The following TOX variants were observed in gnomAD, a reference collection of about 807,000 sequenced individuals.
TOX encodes thymocyte selection associated high mobility group box, also known as thymocyte selection-associated high mobility group box protein TOX.
In TOX, 11 loss-of-function variants were observed where a neutral mutation model predicts 53.7. The ratio of observed to expected loss-of-function variants is 0.20; its 90% CI spans 0.13 to 0.34. TOX has a LOEUF of 0.34. Among genes scored for constraint, TOX ranks in the 10% least tolerant of loss-of-function variants. The pLI, the probability that TOX is intolerant of heterozygous loss-of-function variation, is 1.00. For synonymous variants in TOX, 225 were observed against 245.3 expected, an observed-to-expected ratio of 0.92 and a Z score of 0.77; for missense variants, 570 against 664.6, an observed-to-expected ratio of 0.86 and a Z score of 1.56.
intron 3 of TOX, among the ~76,000 whole-genome samples, chr8:58,928,228 G>T (rs1169788044): frequency 6.6e-6 from 1 of 152,206 alleles, no homozygotes; most frequent in South Asian, 2.1e-4. Context: ...TTCAGAGAAG[G>T]CAGAGCGCCC....
At chr8:58,988,534 AGT>A (rs1813379243) in intron 1 of TOX, among the ~76,000 whole-genome samples, 1 of 152,254 alleles carries the variant, frequency 6.6e-6, no homozygotes, top group Non-Finnish European at 1.5e-5. Context: ...CAGATTAAAA[AGT>A]GTTATTAACA....
Position 59,072,242 on chromosome 8 carries a change from T to TA in TOX, c.102+46643dup, listed in dbSNP as rs200627644. Among the ~76,000 whole-genome samples the TA allele has an allele frequency of 7.1e-3, 1,085 of 152,326 alleles. 11 individuals are homozygous for TA. The highest frequency in any genetic ancestry group is 0.024 in the African/African-American group (992 of 41,582). ...ATAAGACTTGCATTTCTGATCAGTG[T>TA]AAAAATACCAGTTTAGATTGTATCT... On this transcript the variant is annotated intron_variant, in intron 1 of 8. Transcript: ENST00000361421.
chr8:58,984,690 G>A (rs1813291541), intron 1 of TOX, among the ~76,000 whole-genome samples: 1 of 150,474 alleles, frequency 6.6e-6, no homozygotes, highest in East Asian at 2.0e-4. Flanking sequence ...GGCTGAGGCC[G>A]GAGAATGGCG....
chr8:58,958,044 C>T (rs1027015041), intron 2 of TOX, among the ~76,000 whole-genome samples: 2 of 152,134 alleles, frequency 1.3e-5, no homozygotes, highest in African/African-American at 4.8e-5. Flanking sequence ...AATTTTAAAA[C>T]AGCACATTCT....
At chr8:58,978,037 T>A (rs575726876) in intron 1 of TOX, among the ~76,000 whole-genome samples, 1 of 152,258 alleles carries the variant, frequency 6.6e-6, no homozygotes, top group Admixed American at 6.5e-5. Context: ...ACACAACACT[T>A]GTGAAGTACA....
intron 1 of TOX, among the ~76,000 whole-genome samples, chr8:59,056,054 T>C (rs1803882890): frequency 6.6e-6 from 1 of 152,152 alleles, no homozygotes; most frequent in African/African-American, 2.4e-5. Flanking sequence ...AACATTTTGC[T>C]AAACATCCCA....
chr8:59,105,584 T>C (rs887478515), intron 1 of TOX, among the ~76,000 whole-genome samples: 2 of 152,158 alleles, frequency 1.3e-5, no homozygotes, highest in African/African-American at 4.8e-5. Flanking sequence ...CTGCAATTTG[T>C]TATGTTCTAA....
At chr8:58,936,085 C>A (rs13282806) in intron 3 of TOX, among the ~76,000 whole-genome samples, 22,211 of 152,158 alleles carry the variant, frequency 0.15, 1,796 homozygotes, top group East Asian at 0.28. Context: ...TACAACACTG[C>A]TTTCGTAATA....
At chr8:58,898,380 A>T (rs1811684696) in intron 3 of TOX, among the ~76,000 whole-genome samples, 1 of 48,666 alleles carries the variant, frequency 2.1e-5, no homozygotes, top group South Asian at 5.1e-4. Flanking sequence ...AAAACTACAT[A>T]TTTTAGTCCC....
At chr8:59,066,880 A>C (rs1205947400) in intron 1 of TOX, among the ~76,000 whole-genome samples, 1 of 152,230 alleles carries the variant, frequency 6.6e-6, no homozygotes, top group Non-Finnish European at 1.5e-5. Flanking sequence ...TTATGACTAA[A>C]ATGCAACAAA....
At chr8:58,856,045 G>T (rs1810909762) in intron 3 of TOX, among the ~76,000 whole-genome samples, 1 of 152,168 alleles carries the variant, frequency 6.6e-6, no homozygotes, top group Admixed American at 6.6e-5. Context: ...CCCACAGAGA[G>T]GTTAAATGAT....
At chr8:59,020,865 TC>T (rs1814112708) in intron 1 of TOX, among the ~76,000 whole-genome samples, 1 of 152,114 alleles carries the variant, frequency 6.6e-6, no homozygotes, top group African/African-American at 2.4e-5. Context: ...GCAATAGTAA[TC>T]ATTCCTATGT....
intron 3 of TOX, among the ~76,000 whole-genome samples, chr8:58,871,950 A>G (rs73249050): frequency 0.058 from 8,780 of 152,246 alleles, 316 homozygotes; most frequent in East Asian, 0.12. Context: ...AGCAATGAGC[A>G]TACCTAGCCA....
intron 1 of TOX, among the ~76,000 whole-genome samples, chr8:59,067,569 T>TAA (rs893612801): frequency 3.3e-5 from 5 of 151,826 alleles, no homozygotes; most frequent in African/African-American, 1.2e-4. Flanking sequence ...CATAAATAAA[T>TAA]AAAATAAATA....
chr8:58,819,845 A>T (rs1585842842), intron 6 of TOX, among the ~76,000 whole-genome samples: 1 of 152,220 alleles, frequency 6.6e-6, no homozygotes, highest in African/African-American at 2.4e-5. Flanking sequence ...TTAATAGTCC[A>T]TCTAATTTGA....
At chr8:58,913,783 TA>T (rs1057170285) in intron 3 of TOX, among the ~76,000 whole-genome samples, 1 of 88,912 alleles carries the variant, frequency 1.1e-5, no homozygotes. Flanking sequence ...TGTAAAAGTC[TA>T]AAAAATATTT....
chr8:58,980,372 C>T (rs1813180557), intron 1 of TOX, among the ~76,000 whole-genome samples: 1 of 151,968 alleles, frequency 6.6e-6, no homozygotes, highest in African/African-American at 2.4e-5. Context: ...CCTGTGGTGG[C>T]TATCAGTGAT....
chr8:59,010,912 T>C (rs1488590020), intron 1 of TOX, among the ~76,000 whole-genome samples: 1 of 152,230 alleles, frequency 6.6e-6, no homozygotes, highest in Admixed American at 6.5e-5. Flanking sequence ...GCCCGGTATG[T>C]GTGCCTATCT....
chr8:58,959,514 C>T (rs563318833), intron 2 of TOX, among the ~76,000 whole-genome samples: 5 of 152,294 alleles, frequency 3.3e-5, no homozygotes, highest in East Asian at 3.9e-4. Context: ...CTAGCCCCAC[C>T]GGCCATGGGA....
Sources: gnomAD v4.1 joint callset for allele counts (sites outside exome capture counted in the v4.1 genomes callset) on GRCh38, gnomAD v4.1.1 for gene constraint, MANE v1.5 for transcripts, NCBI Gene and HGNC (gene_info 2026-07-23, HGNC 2026-07-21) for gene names.